Variants in MVD observed in about 807,000 individuals in gnomAD.
MVD encodes the protein diphosphomevalonate decarboxylase.
A neutral mutation model predicts 42.4 loss-of-function variants in MVD; 52 were observed. That is an observed-to-expected ratio of 1.23 (90% CI 0.98 to 1.55). The LOEUF (loss-of-function observed/expected upper bound fraction) is 1.55, where lower values mean the gene tolerates loss of function less well. MVD is among the 40% of genes most tolerant of loss of function. The pLI, the probability that MVD is intolerant of heterozygous loss-of-function variation, is 0.00. For missense variants in MVD, 663 were observed against 572.1 expected, an observed-to-expected ratio of 1.16 and a Z score of -1.62; for synonymous variants, 287 against 243.2, an observed-to-expected ratio of 1.18 and a Z score of -1.68.
At position 88,658,677 on chromosome 16, in the gene MVD, G is replaced by A. The variant is rs755551776; in HGVS notation, c.114C>T (p.Ser38=). Residue 38 remains serine (S), a synonymous_variant, in exon 2 of 10, where the codon TCC becomes TCT. Transcript: ENST00000301012. ...GGTCCTGGTGCAGAGTGACGCTCAG[G>A]GAGGAGTTGATGGGCAGAACCAGCT... ...DEELVLPINS[S]LSVTLHQDQL... 15 of 1,613,756 alleles carry A rather than the reference G, an allele frequency of 9.3e-6. No individual in the cohort carries two copies. The African/African-American group carries it at 1.7e-4, about 19-fold the overall frequency.
At chr16:88,662,024 C>T (rs989525271) in intron 1 of MVD, 6 of 151,430 alleles carry the variant, frequency 4.0e-5, no homozygotes, top group Admixed American at 3.3e-4. Flanking sequence ...ATATATCTAC[C>T]ATCTGACCCA....
At chr16:88,654,056 C>T (rs2142892949) in intron 8 of MVD, among the ~76,000 whole-genome samples, 2 of 152,164 alleles carry the variant, frequency 1.3e-5, no homozygotes, top group East Asian at 3.9e-4. Context: ...AATCAACAGC[C>T]CCGGGGCGTA....
chr16:88,661,460 G>T (rs1433811595), intron 1 of MVD, among the ~76,000 whole-genome samples: 2 of 152,040 alleles, frequency 1.3e-5, no homozygotes, highest in African/African-American at 2.4e-5. Flanking sequence ...CTGACCTCAG[G>T]TGATCCGCCC....
chr16:88,656,770 C>A, intron 4 of MVD: 1 of 254,212 alleles, frequency 3.9e-6, no homozygotes, highest in East Asian at 1.0e-4. Flanking sequence ...GCAGGGCAAC[C>A]CCACCTCCAG....
chr16:88,659,361 GCT>G (rs1908145752), intron 1 of MVD: 1 of 156,376 alleles, frequency 6.4e-6, no homozygotes, highest in Non-Finnish European at 1.4e-5. Flanking sequence ...AGCTCGCGAG[GCT>G]CTTTCACGCA....
At position 88,654,761 on chromosome 16, in the gene MVD, A is replaced by G. The variant is rs148321136; in HGVS notation, c.944T>C (p.Leu315Pro). The G allele has an allele frequency of 1.8e-5, 29 of 1,599,820 alleles. No homozygotes were observed. In the African/African-American group the frequency reaches 3.4e-4, roughly 19 times the overall value. The change falls in exon 8 of 10, where the codon CTG becomes CCG. Residue 315 changes from leucine (L) to proline (P), a missense_variant. Transcript: ENST00000301012. ...CACAAACTCAGCCACAGTGTCGTCC[A>G]GGGTGAAGATCACGGCATTGGGGCC... ...DAGPNAVIFT[L>P]DDTVAEFVAA...
intron 4 of MVD, 74 bp downstream of exon 4, chr16:88,657,362 C>T: frequency 6.6e-7 from 1 of 1,526,124 alleles, no homozygotes; most frequent in Non-Finnish European, 8.8e-7. Flanking sequence ...AGTGGGCTCC[C>T]TGACCCGGGA....
chr16:88,662,766 C>A (rs1908391649), intron 1 of MVD: 1 of 1,483,636 alleles, frequency 6.7e-7, no homozygotes. Flanking sequence ...CGCTAATGGG[C>A]AGGCGCCGGG....
intron 5 of MVD, 65 bp downstream of exon 5, chr16:88,656,040 G>T (rs139954433): frequency 1.4e-6 from 2 of 1,428,970 alleles, no homozygotes; most frequent in East Asian, 2.3e-5. Flanking sequence ...TCCTGCTCCC[G>T]GCAGCAGCCC....
At chr16:88,657,854 T>G (rs745806914) in intron 3 of MVD, 61 bp downstream of exon 3, 1 of 1,546,762 alleles carries the variant, frequency 6.5e-7, no homozygotes, top group Non-Finnish European at 8.9e-7. Flanking sequence ...AGAAGCACTT[T>G]CTGGATGCTC....
rs1034279393 is a variant in MVD, at chr16:88,652,608, G to A, written c.1123-3C>T. ...AGGATTTGAGGCCCTGGCCCCACCT[G>A]GGGATAGAAATCCATGTCAGGTCAC... On this transcript the variant is annotated splice_region_variant and splice_polypyrimidine_tract_variant and intron_variant, in intron 9 of 9. Transcript: ENST00000301012. 5 of 1,554,938 alleles carry A rather than the reference G, an allele frequency of 3.2e-6. No homozygotes were observed. The highest frequency in any genetic ancestry group is 4.4e-6 in the Non-Finnish European group (5 of 1,149,176).
At chr16:88,658,266 C>T (rs997613135) in intron 2 of MVD, among the ~76,000 whole-genome samples, 2 of 152,162 alleles carry the variant, frequency 1.3e-5, no homozygotes, top group Admixed American at 1.3e-4. Flanking sequence ...GACGGGGACT[C>T]CCAGGGGAGC....
At chr16:88,658,103 G>A in intron 2 of MVD, 74 bp from the exon 3 acceptor site, 2 of 1,448,276 alleles carry the variant, frequency 1.4e-6, no homozygotes, top group East Asian at 2.3e-5. Context: ...CCTTTCTACT[G>A]AGAGAGCCTC....
intron 1 of MVD, chr16:88,660,589 G>C (rs1908229512): frequency 6.6e-6 from 1 of 151,936 alleles, no homozygotes; most frequent in Non-Finnish European, 1.5e-5. Context: ...AGGTTGCAGT[G>C]AGCCGAGATC....
chr16:88,662,888 T>A, intron 1 of MVD, 123 bp downstream of exon 1: 1 of 1,484,790 alleles, frequency 6.7e-7, no homozygotes, highest in Non-Finnish European at 8.9e-7. Flanking sequence ...TGAGCCTCAG[T>A]TTCCCCGTCT....
rs866180718 is a variant in MVD at position 88,656,498 on chromosome 16, C to G, written c.404-194G>C. On this transcript the variant is annotated intron_variant, in intron 4 of 9. Coordinates refer to ENST00000301012, the MANE Select transcript of MVD (RefSeq NM_002461.3). Reference sequence around the variant, plus strand: ...GTCCCCCACCTCCGCTAGTTCCACTCTCGGACACTCTCTGTTCACGGCCTG... The same window carrying G: ...GTCCCCCACCTCCGCTAGTTCCACTGTCGGACACTCTCTGTTCACGGCCTG... 14 of 622,490 alleles carry G rather than the reference C, an allele frequency of 2.2e-5. No homozygotes were observed. The Middle Eastern group carries it at 1.7e-3, about 77-fold the overall frequency. 38.6% of individuals were successfully genotyped at this position (622,490 alleles called of 1,614,324 possible).
chr16:88,652,757 C>G (rs1318161250), intron 9 of MVD, 152 bp from the exon 10 acceptor site: 4 of 728,566 alleles, frequency 5.5e-6, no homozygotes, highest in African/African-American at 3.6e-5. Context: ...TGGTGACACC[C>G]ACACGCAGCT....
chr16:88,661,940 G>GTA (rs1908324772), intron 1 of MVD, among the ~76,000 whole-genome samples: 1 of 23,946 alleles, frequency 4.2e-5, no homozygotes, highest in Admixed American at 8.5e-4. Flanking sequence ...ATCTATACAG[G>GTA]TGTATATATA....
chr16:88,660,394 C>T (rs1908218544), intron 1 of MVD: 1 of 152,206 alleles, frequency 6.6e-6, no homozygotes, highest in African/African-American at 2.4e-5. Flanking sequence ...CCTACGATCC[C>T]AGCACTTTGG....
Sources: gnomAD v4.1 joint callset for allele counts (sites outside exome capture counted in the v4.1 genomes callset) on GRCh38, gnomAD v4.1.1 for gene constraint, MANE v1.5 for transcripts, NCBI Gene and HGNC (gene_info 2026-07-23, HGNC 2026-07-21) for gene names.